WIPF2: variants seen among roughly 807,000 people sequenced by gnomAD.
WIPF2 encodes WAS/WASL-interacting protein family member 2.
WIPF2 carries 23 observed loss-of-function variants against 38.8 expected under a neutral mutation model. The ratio of observed to expected loss-of-function variants is 0.59; its 90% CI spans 0.43 to 0.84. The LOEUF (loss-of-function observed/expected upper bound fraction) is 0.84. Among genes scored for constraint, WIPF2 ranks in the 40% least tolerant of loss-of-function variants. The pLI is 0.00. For missense variants in WIPF2, 574 were observed against 580.5 expected, an observed-to-expected ratio of 0.99 and a Z score of 0.11; for synonymous variants, 210 against 223.2, an observed-to-expected ratio of 0.94 and a Z score of 0.53.
intron 5 of WIPF2, among the ~76,000 whole-genome samples, chr17:40,270,576 C>G (rs77586309): frequency 2.0e-5 from 3 of 152,058 alleles, no homozygotes; most frequent in Non-Finnish European, 4.4e-5. Context: ...ACCTGGCTAA[C>G]CCTGTTTACC....
chr17:40,282,113 A>AAG lies in WIPF2; in HGVS notation c.*3889_*3890insGA, dbSNP rs760260634. On this transcript the variant is annotated 3_prime_UTR_variant, in exon 8 of 8. Coordinates refer to ENST00000323571, the MANE Select transcript of WIPF2 (RefSeq NM_133264.5). ...ACAACCACCATCAAAACCACACGCAAAAAAAAAAAAAAAAAAAAAAAGGAT... is the reference window on the plus strand; with the variant it reads ...ACAACCACCATCAAAACCACACGCAAAGAAAAAAAAAAAAAAAAAAAAAGGAT... The AAG allele has an allele frequency of 3.4e-3, 498 of 144,780 alleles. 1 individual carries two copies. The highest frequency in any genetic ancestry group is 6.1e-3 in the Non-Finnish European group (400 of 65,338). The allele number at this position is 144,780 out of a possible 1,614,324, so 9.0% of individuals were successfully genotyped here.
chr17:40,264,799 C>T lies in WIPF2; in HGVS notation c.623C>T (p.Pro208Leu), dbSNP rs764059066. 6.2e-7 allele frequency: 1 copy of T among 1,613,070 alleles called. No homozygotes were observed. ...GCCCCCGCCTACAACAGAGAGAAACCCTTGCCACCGACGCCTGGACAAAGG... is the reference window on the plus strand; with the variant it reads ...GCCCCCGCCTACAACAGAGAGAAACTCTTGCCACCGACGCCTGGACAAAGG... ...SKAPAYNREK[P>L]LPPTPGQRLH... Residue 208 changes from proline (P) to leucine (L), a missense_variant, in exon 5 of 8, where the codon CCC (proline) becomes CTC (leucine). Physicochemically the swap from Pro to Leu is moderately conservative, Grantham distance 98. Transcript: ENST00000323571.
At chr17:40,239,046 T>TTTTTTTTATTTA (rs1555560744) in intron 1 of WIPF2, among the ~76,000 whole-genome samples, 11 of 138,762 alleles carry the variant, frequency 7.9e-5, no homozygotes, top group African/African-American at 2.2e-4. Flanking sequence ...GTTTATTTTA[T>TTTTTTTTATTTA]TTTATTTATT....
At chr17:40,250,324 G>A (rs979748497) in intron 1 of WIPF2, among the ~76,000 whole-genome samples, 3 of 136,460 alleles carry the variant, frequency 2.2e-5, no homozygotes, top group East Asian at 2.4e-4. Context: ...TCTGCCTCCC[G>A]GGTTCACGCC....
chr17:40,258,460 C>T (rs959706082), intron 2 of WIPF2, among the ~76,000 whole-genome samples: 30 of 152,188 alleles, frequency 2.0e-4, no homozygotes, highest in Admixed American at 7.9e-4. Flanking sequence ...TGCATGGTGG[C>T]GCTTGCCTGT....
intron 5 of WIPF2, among the ~76,000 whole-genome samples, chr17:40,270,948 C>G (rs1263144132): frequency 7.2e-5 from 11 of 151,792 alleles, no homozygotes; most frequent in African/African-American, 2.7e-4. Context: ...GTCACTACAG[C>G]AATTCTGATA....
Position 40,235,117 on chromosome 17 carries a change from A to G in WIPF2, c.-70+15625A>G, listed in dbSNP as rs548828770. ...GTATTTTTAGTAGAGGCGGGGTTTC[A>G]CCGTGTTAGCCAGGATGGCCGCCCG... is the stretch of plus-strand genomic sequence containing the variant. On this transcript the variant is annotated intron_variant, in intron 1 of 7. Transcript: ENST00000323571. Among the ~76,000 whole-genome samples, 69 of 151,856 alleles carry G rather than the reference A, an allele frequency of 4.5e-4. 1 individual carries two copies. Among genetic ancestry groups the G allele is most frequent in the Non-Finnish European group, 8.0e-4 (54 of 67,904 alleles).
intron 5 of WIPF2, 48 bp downstream of exon 5, chr17:40,265,194 TTA>T (rs2032049149): frequency 6.5e-7 from 1 of 1,534,534 alleles, no homozygotes; most frequent in African/African-American, 1.4e-5. Context: ...TGAGTTGATT[TTA>T]TCTTTCCCCA....
In WIPF2 at chr17:40,255,384, G is replaced by A. The variant is rs114698223; in HGVS notation, c.-69-1007G>A. Among the ~76,000 whole-genome samples, 582 of 151,416 alleles carry A rather than the reference G, an allele frequency of 3.8e-3. 2 individuals carry two copies. The highest frequency in any genetic ancestry group is 0.014 in the African/African-American group (561 of 41,212). On this transcript the variant is annotated intron_variant, in intron 1 of 7. Transcript: ENST00000323571. ...GTTGCCCAGGCTGGAGTGCAGTGGTGCGACATCTGCTCACCCCAACAACCT... is the reference window on the plus strand; with the variant it reads ...GTTGCCCAGGCTGGAGTGCAGTGGTACGACATCTGCTCACCCCAACAACCT...
At chr17:40,268,679 C>T (rs1027029857) in intron 5 of WIPF2, among the ~76,000 whole-genome samples, 2 of 152,072 alleles carry the variant, frequency 1.3e-5, no homozygotes, top group African/African-American at 4.8e-5. Context: ...CATCCTCCCA[C>T]CTTGGCCTCC....
intron 5 of WIPF2, among the ~76,000 whole-genome samples, chr17:40,265,516 A>G (rs1381819847): frequency 6.6e-6 from 1 of 152,194 alleles, no homozygotes; most frequent in Non-Finnish European, 1.5e-5. Flanking sequence ...TAAGAAAGTG[A>G]CGAGTAAGCT....
chr17:40,263,898 T>C lies in WIPF2; in HGVS notation c.314-592T>C, dbSNP rs186015221. Among the ~76,000 whole-genome samples the C allele has an allele frequency of 3.3e-5, 5 of 152,204 alleles. No homozygotes were observed. The East Asian group carries it at 9.7e-4, about 29-fold the overall frequency. ...AAAAAAATATGTGAGGTGATGGATA[T>C]GTTAGTTTGATTTAATCATTCCACA... On this transcript the variant is annotated intron_variant, in intron 4 of 7. Coordinates refer to ENST00000323571, the MANE Select transcript of WIPF2 (RefSeq NM_133264.5).
intron 1 of WIPF2, among the ~76,000 whole-genome samples, chr17:40,250,219 GTTTTTTTT>G (rs1170849046): frequency 9.6e-5 from 6 of 62,508 alleles, no homozygotes; most frequent in South Asian, 1.2e-3. Context: ...ATTTTATCAT[GTTTTTTTT>G]TTTTTTTTTT....
intron 6 of WIPF2, among the ~76,000 whole-genome samples, 169 bp from the exon 7 acceptor site, chr17:40,276,914 T>A (rs2032421538): frequency 1.3e-5 from 2 of 152,098 alleles, no homozygotes; most frequent in Admixed American, 1.3e-4. Context: ...GCAAGGCACG[T>A]GGGGTGATGC....
At chr17:40,260,378 G>A (rs903712429) in intron 2 of WIPF2, among the ~76,000 whole-genome samples, 157 bp from the exon 3 acceptor site, 1 of 151,474 alleles carries the variant, frequency 6.6e-6, no homozygotes, top group African/African-American at 2.4e-5. Flanking sequence ...GTAGAGATGG[G>A]GTTTCACCAT....
chr17:40,248,738 C>T (rs569440402), intron 1 of WIPF2, among the ~76,000 whole-genome samples: 13 of 152,284 alleles, frequency 8.5e-5, no homozygotes, highest in African/African-American at 3.1e-4. Flanking sequence ...ACACAACTGT[C>T]TTCTCCTTAG....
chr17:40,220,599 A>ATATATATATATATATATG (rs2030167425), intron 1 of WIPF2: 1 of 83,112 alleles, frequency 1.2e-5, no homozygotes, highest in Non-Finnish European at 2.2e-5. Flanking sequence ...ATATATATAT[A>ATATATATATATATATATG]TATATATATA....
Position 40,277,080 on chromosome 17 carries a change from C to T in WIPF2, c.1181-3C>T, listed in dbSNP as rs985890159. On this transcript the variant is annotated splice_region_variant and splice_polypyrimidine_tract_variant and intron_variant, in intron 6 of 7. Coordinates refer to ENST00000323571, the MANE Select transcript of WIPF2 (RefSeq NM_133264.5). ...AGGAATTAATGTTCTATTCTTTTCG[C>T]AGATGATTTTGAGTCAAAGTATTCC... 1.2e-6 allele frequency: 2 copies of T among 1,608,198 alleles called. No homozygotes were observed. Among genetic ancestry groups the T allele is most frequent in the Non-Finnish European group, 1.7e-6 (2 of 1,176,876 alleles).
rs936607494 is a variant in WIPF2 at position 40,219,313 on chromosome 17, G to A, written c.-249G>A. The A allele has an allele frequency of 6.8e-5, 20 of 294,944 alleles. No homozygotes were observed. In the South Asian group the frequency reaches 7.7e-4, roughly 11 times the overall value. The allele number at this position is 294,944 out of a possible 1,614,324, so 18.3% of individuals were successfully genotyped here. A position where few individuals can be genotyped will look rare whatever the true frequency, so the allele number is the denominator to read the frequency against. On this transcript the variant is annotated 5_prime_UTR_variant, in exon 1 of 8. Transcript: ENST00000323571. ...TTTTTCCCCCGCCTCCATTTTGTTC[G>A]CGGACGCTGGGGACGGTGGGAGCAG... is the stretch of plus-strand genomic sequence containing the variant.
Sources: allele counts gnomAD v4.1 joint callset (sites outside exome capture counted in the v4.1 genomes callset), GRCh38; gene constraint gnomAD v4.1.1; transcripts MANE v1.5; gene names NCBI Gene and HGNC (gene_info 2026-07-23, HGNC 2026-07-21).